ASIC2: variants seen among roughly 807,000 people sequenced by gnomAD.
ASIC2 encodes acid sensing ion channel subunit 2.
In ASIC2, 25 loss-of-function variants were observed where a neutral mutation model predicts 57.3. The observed-to-expected ratio is 0.44, with a 90% confidence interval of 0.32 to 0.61. The LOEUF (loss-of-function observed/expected upper bound fraction) is 0.61. ASIC2 is among the 20% of genes least tolerant of loss of function. The pLI is 0.06. For synonymous variants in ASIC2, 319 were observed against 307.5 expected, an observed-to-expected ratio of 1.04 and a Z score of -0.39; for missense variants, 641 against 738.1, an observed-to-expected ratio of 0.87 and a Z score of 1.52.
intron 1 of ASIC2, among the ~76,000 whole-genome samples, chr17:33,573,167 G>A (rs1916506083): frequency 6.6e-6 from 1 of 152,120 alleles, no homozygotes; most frequent in African/African-American, 2.4e-5. Flanking sequence ...TTCATATAAG[G>A]AATCCAGAAT....
chr17:33,580,950 T>G lies in ASIC2; in HGVS notation c.556-468883A>C, dbSNP rs115634561. On this transcript the variant is annotated intron_variant, in intron 1 of 9. Coordinates refer to the ASIC2 transcript ENST00000359872. ...TTTTGGTTTATGCGGTAGGCAAAAT[T>G]TTTAAAATGTCCCCATCCTCAAGAT... Among the ~76,000 whole-genome samples the G allele has an allele frequency of 2.8e-3, 425 of 152,290 alleles. 1 individual carries two copies. The highest frequency in any genetic ancestry group is 9.1e-3 in the African/African-American group (377 of 41,556).
chr17:33,412,940 C>A (rs538894008), intron 1 of ASIC2, among the ~76,000 whole-genome samples: 3 of 152,282 alleles, frequency 2.0e-5, no homozygotes, highest in East Asian at 1.9e-4. Context: ...AGGAACCCCC[C>A]ACCTGCTGCC....
At chr17:33,462,674 T>C (rs1265968976) in intron 1 of ASIC2, among the ~76,000 whole-genome samples, 1 of 152,232 alleles carries the variant, frequency 6.6e-6, no homozygotes, top group Non-Finnish European at 1.5e-5. Context: ...TCAGATAAGA[T>C]ATTACAGTGT....
intron 3 of ASIC2, among the ~76,000 whole-genome samples, chr17:33,084,645 C>G (rs1410035851): frequency 6.6e-6 from 1 of 152,244 alleles, no homozygotes; most frequent in African/African-American, 2.4e-5. Context: ...GATAATGTGC[C>G]TCAAGTGTCC....
chr17:33,509,369 G>C (rs1045178189), intron 1 of ASIC2, among the ~76,000 whole-genome samples: 1 of 152,124 alleles, frequency 6.6e-6, no homozygotes, highest in Non-Finnish European at 1.5e-5. Flanking sequence ...GCTTCATAAT[G>C]TCCACTTCAC....
chr17:33,641,445 G>C (rs1334594309), intron 1 of ASIC2, among the ~76,000 whole-genome samples: 2 of 152,130 alleles, frequency 1.3e-5, no homozygotes, highest in East Asian at 3.9e-4. Flanking sequence ...ATGCATGGTG[G>C]TGCCCAAAAG....
intron 1 of ASIC2, among the ~76,000 whole-genome samples, chr17:33,797,747 G>A (rs1911961976): frequency 6.6e-6 from 1 of 152,242 alleles, no homozygotes; most frequent in Admixed American, 6.5e-5. Context: ...ACAGAAGGCT[G>A]TTTGGAGGAC....
intron 1 of ASIC2, chr17:34,071,093 C>T (rs1302577000): frequency 1.5e-5 from 2 of 130,040 alleles, no homozygotes; most frequent in African/African-American, 6.6e-5. Flanking sequence ...TTTGGCTTCT[C>T]AAGTGTGCAC....
chr17:33,225,250 A>G (rs1907834895), intron 1 of ASIC2, among the ~76,000 whole-genome samples: 2 of 152,240 alleles, frequency 1.3e-5, no homozygotes, highest in South Asian at 4.1e-4. Context: ...GAGTGCATCA[A>G]CAGGTGATGG....
At chr17:33,658,552 A>T (rs1907149112) in intron 1 of ASIC2, among the ~76,000 whole-genome samples, 1 of 152,204 alleles carries the variant, frequency 6.6e-6, no homozygotes, top group Non-Finnish European at 1.5e-5. Flanking sequence ...GTCCAAGACC[A>T]GGGCACTGGC....
At chr17:34,013,316 C>T (rs1906837000) in intron 1 of ASIC2, among the ~76,000 whole-genome samples, 2 of 152,138 alleles carry the variant, frequency 1.3e-5, no homozygotes, top group South Asian at 4.1e-4. Context: ...CCAACTGGAA[C>T]ACAGACTGTA....
intron 1 of ASIC2, among the ~76,000 whole-genome samples, chr17:33,679,885 G>A (rs1191035123): frequency 1.3e-5 from 2 of 152,182 alleles, no homozygotes; most frequent in East Asian, 3.9e-4. Context: ...AAAGGGAGAG[G>A]CAGGAGTGGG....
intron 1 of ASIC2, among the ~76,000 whole-genome samples, chr17:33,500,810 T>C (rs920503216): frequency 6.6e-6 from 1 of 152,244 alleles, no homozygotes; most frequent in Non-Finnish European, 1.5e-5. Context: ...TCTAGACTAG[T>C]AGATTGCACA....
intron 1 of ASIC2, among the ~76,000 whole-genome samples, chr17:33,193,142 C>G (rs1429333816): frequency 6.6e-6 from 1 of 152,216 alleles, no homozygotes; most frequent in East Asian, 1.9e-4. Context: ...GGTGTTTTAT[C>G]TGTTCATTTG....
intron 1 of ASIC2, among the ~76,000 whole-genome samples, chr17:33,528,375 C>T (rs988764579): frequency 6.6e-6 from 1 of 152,176 alleles, no homozygotes; most frequent in African/African-American, 2.4e-5. Flanking sequence ...AGAGCACCAA[C>T]AACCCTGATA....
chr17:33,876,295 C>T (rs2141935635), intron 1 of ASIC2, among the ~76,000 whole-genome samples: 1 of 152,326 alleles, frequency 6.6e-6, no homozygotes, highest in Admixed American at 6.5e-5. Flanking sequence ...TTAGTGTCAC[C>T]CACATGGAAT....
At chr17:33,915,985 C>A (rs1915576072) in intron 1 of ASIC2, among the ~76,000 whole-genome samples, 1 of 152,148 alleles carries the variant, frequency 6.6e-6, no homozygotes, top group African/African-American at 2.4e-5. Context: ...GAGGGAGACT[C>A]AAAAGAGGAT....
intron 3 of ASIC2, among the ~76,000 whole-genome samples, chr17:33,043,127 G>T (rs774494146): frequency 5.3e-5 from 8 of 152,190 alleles, no homozygotes; most frequent in Non-Finnish European, 8.8e-5. Flanking sequence ...GGGTTTCACC[G>T]TGTTAGCCAG....
At chr17:33,821,636 C>A (rs73986800) in intron 1 of ASIC2, among the ~76,000 whole-genome samples, 1 of 152,146 alleles carries the variant, frequency 6.6e-6, no homozygotes, top group African/African-American at 2.4e-5. Context: ...CACATGGCTT[C>A]GTGATATTTA....
Sources: gnomAD v4.1 joint callset for allele counts (sites outside exome capture counted in the v4.1 genomes callset) on GRCh38, gnomAD v4.1.1 for gene constraint, MANE v1.5 for transcripts, NCBI Gene and HGNC (gene_info 2026-07-23, HGNC 2026-07-21) for gene names.